LINGO1: variants seen among roughly 807,000 people sequenced by gnomAD.
LINGO1 encodes leucine-rich repeat and immunoglobulin-like domain-containing nogo receptor-interacting protein 1.
In LINGO1, 11 loss-of-function variants were observed where a neutral mutation model predicts 37.3. The observed-to-expected ratio is 0.29, with a 90% CI of 0.19 to 0.49. LINGO1 has a LOEUF of 0.49. Ranked by LOEUF, LINGO1 falls within the 20% of genes least tolerant of loss-of-function variation. The probability of loss-of-function intolerance (pLI) is 0.99; values close to 1 mark genes in which losing one functional copy is unlikely to be tolerated. For missense variants in LINGO1, 585 were observed against 878.2 expected, an observed-to-expected ratio of 0.67 and a Z score of 4.22; for synonymous variants, 387 against 403.0, an observed-to-expected ratio of 0.96 and a Z score of 0.48.
chr15:77,737,786 C>A (rs1307681952), intron 1 of LINGO1, among the ~76,000 whole-genome samples: 1 of 152,140 alleles, frequency 6.6e-6, no homozygotes, highest in Non-Finnish European at 1.5e-5. Flanking sequence ...GACTCGGCCT[C>A]TCCTGGCTGT....
intron 1 of LINGO1, among the ~76,000 whole-genome samples, chr15:77,738,750 A>AGGAAGGAG (rs879713577): frequency 0.17 from 11,143 of 64,558 alleles, 764 homozygotes; most frequent in Admixed American, 0.22. Flanking sequence ...TATTTGCTGA[A>AGGAAGGAG]GGAAGGAAGG....
In LINGO1 at chr15:77,632,201, C is replaced by T; in HGVS notation, c.6+109G>A. ...ACCCCAAAGGAGGTCTGGGTGGCAC[C>T]GAGGTGCCCTGCAACCCCAGGAGGG... On this transcript the variant is annotated intron_variant, in intron 1 of 1. Coordinates refer to ENST00000355300, the MANE Select transcript of LINGO1 (RefSeq NM_032808.7). The surrounding 1 kb of genome is among the most constrained non-coding windows in gnomAD (Gnocchi z 6.0). 2.6e-6 allele frequency: 3 copies of T among 1,160,564 alleles called. No individual in the cohort carries two copies. The highest frequency in any genetic ancestry group is 6.1e-5 in the South Asian group (2 of 33,002). The allele number at this position is 1,160,564 out of a possible 1,614,324, so 71.9% of individuals were successfully genotyped here.
chr15:77,803,922 C>A (rs1453517009), intron 1 of LINGO1, among the ~76,000 whole-genome samples: 1 of 152,176 alleles, frequency 6.6e-6, no homozygotes, highest in Non-Finnish European at 1.5e-5. Flanking sequence ...CAGCCTAATA[C>A]ACACAGTTCT....
At chr15:77,738,810 A>G (rs566862848) in intron 1 of LINGO1, among the ~76,000 whole-genome samples, 1 of 151,882 alleles carries the variant, frequency 6.6e-6, no homozygotes, top group East Asian at 1.9e-4. Flanking sequence ...GAAGGAAGGA[A>G]GGAAAGAAGG....
intron 3 of LINGO1, among the ~76,000 whole-genome samples, chr15:77,655,925 C>T (rs1486262300): frequency 1.3e-5 from 2 of 152,340 alleles, no homozygotes; most frequent in Middle Eastern, 3.4e-3. Flanking sequence ...ACTTCTGCCC[C>T]GGTCACGTGG....
chr15:77,751,890 C>T (rs1197550060), intron 1 of LINGO1, among the ~76,000 whole-genome samples: 1 of 152,170 alleles, frequency 6.6e-6, no homozygotes, highest in Non-Finnish European at 1.5e-5. Flanking sequence ...AACATGAAGC[C>T]ACCCACATTT....
At chr15:77,730,275 G>T (rs2076142067) in intron 2 of LINGO1, among the ~76,000 whole-genome samples, 1 of 152,144 alleles carries the variant, frequency 6.6e-6, no homozygotes, top group African/African-American at 2.4e-5. Flanking sequence ...ACCTGACTAT[G>T]CCATTTATCC....
At chr15:77,783,507 A>G (rs1017532677) in intron 1 of LINGO1, among the ~76,000 whole-genome samples, 3 of 152,168 alleles carry the variant, frequency 2.0e-5, no homozygotes, top group South Asian at 2.1e-4. Flanking sequence ...ATGGAACAGA[A>G]TCTATAATCA....
chr15:77,818,570 C>T (rs1485014341), intron 1 of LINGO1, among the ~76,000 whole-genome samples: 1 of 152,154 alleles, frequency 6.6e-6, no homozygotes, highest in African/African-American at 2.4e-5. Flanking sequence ...GCGCGCCTTG[C>T]GGCAAGTTCC....
chr15:77,659,095 ATC>A (rs2141162749), intron 3 of LINGO1, among the ~76,000 whole-genome samples: 2 of 152,298 alleles, frequency 1.3e-5, no homozygotes, highest in East Asian at 3.9e-4. Flanking sequence ...CTGGGACTAG[ATC>A]TGAAGCTTCC....
At chr15:77,698,176 A>G (rs1296500534), upstream of LINGO1, among the ~76,000 whole-genome samples, 2 of 152,264 alleles carry the variant, frequency 1.3e-5, 1 homozygote, top group South Asian at 4.1e-4. Flanking sequence ...CAGAAACTGC[A>G]AAGTGAGGAC....
upstream of LINGO1, among the ~76,000 whole-genome samples, chr15:77,787,605 C>T (rs1446884219): frequency 6.6e-6 from 1 of 152,040 alleles, no homozygotes; most frequent in African/African-American, 2.4e-5. Context: ...CCTCTTTGCC[C>T]TCCCCATGCC....
intron 3 of LINGO1, among the ~76,000 whole-genome samples, chr15:77,659,385 A>AT (rs2074937769): frequency 6.6e-6 from 1 of 152,040 alleles, no homozygotes; most frequent in Non-Finnish European, 1.5e-5. Flanking sequence ...ATCATGCCCT[A>AT]CCTAGGACTC....
At chr15:77,702,663 G>A (rs546443989) in intron 2 of LINGO1, among the ~76,000 whole-genome samples, 1 of 152,136 alleles carries the variant, frequency 6.6e-6, no homozygotes, top group African/African-American at 2.4e-5. Context: ...CCCCATGGTG[G>A]TGGTTTGGTT....
chr15:77,714,196 C>T (rs906914606), intron 2 of LINGO1, among the ~76,000 whole-genome samples: 1 of 152,114 alleles, frequency 6.6e-6, no homozygotes, highest in Non-Finnish European at 1.5e-5. Context: ...TCCTTCTTGC[C>T]TTCTCCATGA....
At chr15:77,695,266 G>C (rs530730628) in intron 1 of LINGO1, among the ~76,000 whole-genome samples, 62 of 152,282 alleles carry the variant, frequency 4.1e-4, no homozygotes, top group African/African-American at 1.5e-3. Context: ...CGAAGAGGCA[G>C]CCCGGTGAGC....
rs2073589114 is a variant in LINGO1, at chr15:77,613,873, G to A, written c.*171C>T. ...GGCTTCTGAGGTCCTGGTAGAAGGA[G>A]GGCAGGTGGTGAGGGCTGGCGGGGG... On this transcript the variant is annotated 3_prime_UTR_variant, in exon 2 of 2. Transcript: ENST00000355300. The A allele has an allele frequency of 2.1e-5, 13 of 631,544 alleles. No individual in the cohort carries two copies. The South Asian group carries it at 2.2e-4, about 11-fold the overall frequency. The allele number at this position is 631,544 out of a possible 1,614,324, so 39.1% of individuals were successfully genotyped here.
rs74913752 is a variant in LINGO1, at chr15:77,705,218, C to T, written c.-194-14317G>A. ...ACACACACACACACCAGTCCACTTC[C>T]AGCACCCTGGACCTTGCTTTCCAGG... On this transcript the variant is annotated intron_variant, in intron 2 of 3. Coordinates refer to the LINGO1 transcript ENST00000561686. 4.2e-3 allele frequency among the ~76,000 whole-genome samples: 637 copies of T among 151,704 alleles called. 7 individuals are homozygous for T. The highest frequency in any genetic ancestry group is 0.015 in the African/African-American group (601 of 41,202).
chr15:77,682,262 G>A (rs2075427969), intron 2 of LINGO1, among the ~76,000 whole-genome samples: 1 of 146,336 alleles, frequency 6.8e-6, no homozygotes, highest in African/African-American at 2.7e-5. Context: ...ATACTCATAT[G>A]GCAGTAGAGA....
Sources: allele counts gnomAD v4.1 joint callset (sites outside exome capture counted in the v4.1 genomes callset), GRCh38; gene constraint gnomAD v4.1.1; non-coding constraint Gnocchi (gnomAD v3.1); transcripts MANE v1.5; gene names NCBI Gene and HGNC (gene_info 2026-07-23, HGNC 2026-07-21).